ABHD18: variants seen among roughly 807,000 people sequenced by gnomAD.
ABHD18 encodes the protein abhydrolase domain containing 18, also known as cardiolipin-specific deacylase, mitochondrial.
A neutral mutation model predicts 65.9 loss-of-function variants in ABHD18; 55 were observed. That is an observed-to-expected ratio of 0.84 (90% CI 0.67 to 1.05). The LOEUF (loss-of-function observed/expected upper bound fraction) is 1.05, where lower values mean the gene tolerates loss of function less well. Among genes scored for constraint, ABHD18 ranks in the 50% least tolerant of loss-of-function variants. The pLI is 0.00. For missense variants in ABHD18, 533 were observed against 558.5 expected (o/e 0.95, Z 0.46); for synonymous variants, 181 against 180.2 (o/e 1.00, Z -0.04).
chr4:127,965,651 CCGCGCCTCTTAGCGCGCCGTGTA>C (rs1231553837), intron 1 of ABHD18, 45 bp downstream of exon 1: 2 of 185,048 alleles, frequency 1.1e-5, no homozygotes, highest in Non-Finnish European at 2.3e-5. Context: ...TAAGAGCTCC[CCGCGCCTCTTAGCGCGCCGTGTA>C]CGCGCCTGGA....
intron 4 of ABHD18, among the ~76,000 whole-genome samples, chr4:128,007,820 C>T (rs995177834): frequency 6.6e-6 from 1 of 151,580 alleles, no homozygotes; most frequent in African/African-American, 2.4e-5. Context: ...ATTGACTTTA[C>T]TTGTAAGTAT....
At chr4:128,024,549 A>G (rs1054407381) in intron 10 of ABHD18, among the ~76,000 whole-genome samples, 4 of 152,200 alleles carry the variant, frequency 2.6e-5, no homozygotes, top group African/African-American at 7.2e-5. Flanking sequence ...AAAAAGTTCA[A>G]TTTATTGATG....
At chr4:127,992,503 C>T (rs551533491) in intron 4 of ABHD18, among the ~76,000 whole-genome samples, 2 of 151,674 alleles carry the variant, frequency 1.3e-5, no homozygotes, top group Non-Finnish European at 2.9e-5. Flanking sequence ...AAATAGTGTG[C>T]GGGGAATATA....
At chr4:128,021,729 C>T (rs1756534664) in intron 10 of ABHD18, among the ~76,000 whole-genome samples, 2 of 150,094 alleles carry the variant, frequency 1.3e-5, no homozygotes, top group Admixed American at 6.6e-5. Context: ...ATGTGGTTTA[C>T]TACATTTATT....
chr4:127,970,150 T>C (rs1579098862), intron 1 of ABHD18, among the ~76,000 whole-genome samples: 1 of 152,182 alleles, frequency 6.6e-6, no homozygotes, highest in Non-Finnish European at 1.5e-5. Context: ...CCCAAAGTGC[T>C]GGGATTGCAG....
At chr4:127,966,627 G>A (rs995439049) in intron 1 of ABHD18, among the ~76,000 whole-genome samples, 52 of 146,672 alleles carry the variant, frequency 3.5e-4, no homozygotes, top group African/African-American at 1.3e-3. Context: ...GGGAGGCCAA[G>A]GCGGGCGGAT....
chr4:127,996,408 G>T (rs536442842), intron 4 of ABHD18, among the ~76,000 whole-genome samples: 1 of 151,718 alleles, frequency 6.6e-6, no homozygotes, highest in Non-Finnish European at 1.5e-5. Context: ...ACCCCGAGCC[G>T]CAAAATCAGC....
At chr4:127,967,904 G>A (rs950045447) in intron 1 of ABHD18, among the ~76,000 whole-genome samples, 1 of 152,080 alleles carries the variant, frequency 6.6e-6, no homozygotes, top group Non-Finnish European at 1.5e-5. Flanking sequence ...TTAGGTGACT[G>A]CCCAGGATAT....
chr4:128,020,447 C>T (rs370758567), intron 9 of ABHD18, among the ~76,000 whole-genome samples: 1 of 152,188 alleles, frequency 6.6e-6, no homozygotes, highest in Non-Finnish European at 1.5e-5. Context: ...ATTCTTCCAA[C>T]AATAATTATT....
At chr4:128,008,748 T>C (rs1431884207) in intron 4 of ABHD18, among the ~76,000 whole-genome samples, 172 bp from the exon 5 acceptor site, 2 of 152,206 alleles carry the variant, frequency 1.3e-5, no homozygotes, top group African/African-American at 4.8e-5. Context: ...AGATTTACAA[T>C]ATCTTTGTAG....
chr4:128,002,731 T>C (rs957873383), intron 4 of ABHD18, among the ~76,000 whole-genome samples: 2 of 151,254 alleles, frequency 1.3e-5, no homozygotes, highest in Admixed American at 6.6e-5. Context: ...ACAAGCCCTG[T>C]CTCCTGAGTT....
intron 1 of ABHD18, among the ~76,000 whole-genome samples, chr4:127,966,302 A>G (rs1421680865): frequency 6.6e-6 from 1 of 152,214 alleles, no homozygotes; most frequent in Non-Finnish European, 1.5e-5. Context: ...CAAGTATCCT[A>G]TGAGATAGGC....
intron 1 of ABHD18, among the ~76,000 whole-genome samples, chr4:127,975,418 GCTGA>G (rs1207291067): frequency 3.3e-5 from 5 of 152,178 alleles, no homozygotes; most frequent in East Asian, 3.9e-4. Context: ...TCTTTTTGTG[GCTGA>G]CTAATTTCAC....
intron 3 of ABHD18, among the ~76,000 whole-genome samples, chr4:127,985,552 AT>A (rs926646189): frequency 9.9e-5 from 15 of 151,872 alleles, no homozygotes; most frequent in East Asian, 1.9e-4. Flanking sequence ...TATCTTCTTT[AT>A]TTTTTTCTAT....
intron 10 of ABHD18, among the ~76,000 whole-genome samples, chr4:128,026,015 A>G (rs963043618): frequency 6.6e-6 from 1 of 152,114 alleles, no homozygotes; most frequent in Non-Finnish European, 1.5e-5. Context: ...TTGGCCGGGC[A>G]TGGTGGCTCA....
rs1430298777 is a variant in ABHD18 at position 128,039,083 on chromosome 4, C to A, written c.*3270C>A. 7.1e-6 allele frequency: 1 copy of A among 140,694 alleles called. No homozygotes were observed. The highest frequency in any genetic ancestry group is 1.5e-5 in the Non-Finnish European group (1 of 65,868). 8.7% of individuals were successfully genotyped at this position (140,694 alleles called of 1,614,324 possible). A position where few individuals can be genotyped will look rare whatever the true frequency, so the allele number is the denominator to read the frequency against. Reference sequence around the variant, plus strand: ...TACGTTTTATATATATATACACACACACGTATGTGTGTATATATATGTATG... The same window carrying A: ...TACGTTTTATATATATATACACACAAACGTATGTGTGTATATATATGTATG... On this transcript the variant is annotated 3_prime_UTR_variant, in exon 13 of 13. Transcript: ENST00000645843.
At chr4:127,975,039 G>A (rs763247100) in intron 1 of ABHD18, among the ~76,000 whole-genome samples, 1 of 145,708 alleles carries the variant, frequency 6.9e-6, no homozygotes, top group Non-Finnish European at 1.5e-5. Context: ...ACTGCTTACT[G>A]ACAAAGTTGT....
chr4:127,993,879 A>C (rs1352860147), intron 4 of ABHD18, among the ~76,000 whole-genome samples: 1 of 152,214 alleles, frequency 6.6e-6, no homozygotes, highest in Non-Finnish European at 1.5e-5. Context: ...ATAAGTTGCT[A>C]AACATGGAAT....
rs772970028 is a variant in ABHD18 at position 128,028,639 on chromosome 4, C to G, written c.966C>G (p.Val322=). 1.2e-6 allele frequency: 2 copies of G among 1,613,874 alleles called. No individual in the cohort carries two copies. Among genetic ancestry groups the G allele is most frequent in the Non-Finnish European group, 1.7e-6 (2 of 1,179,866 alleles). Residue 322 remains valine, a synonymous_variant, in exon 11 of 13, where the codon GTC becomes GTG. Coordinates refer to ENST00000645843, the MANE Select transcript of ABHD18 (RefSeq NM_001358451.3). ...ADCHNSSKTS[V]SATSEGLLLQ... ...GCCATAATTCTAGCAAAACATCTGT[C>G]AGTGCGACATCAGAAGGACTCTTAT...
Sources: allele counts gnomAD v4.1 joint callset (sites outside exome capture counted in the v4.1 genomes callset), GRCh38; gene constraint gnomAD v4.1.1; transcripts MANE v1.5; gene names NCBI Gene and HGNC (gene_info 2026-07-23, HGNC 2026-07-21).